The following GRID2 variants were observed in gnomAD, a reference collection of about 807,000 sequenced individuals.
GRID2 encodes glutamate ionotropic receptor delta type subunit 2.
GRID2 carries 33 observed loss-of-function variants against 114.8 expected under a neutral mutation model. The observed-to-expected ratio is 0.29, with a 90% CI of 0.22 to 0.38. The LOEUF is 0.38. GRID2 is among the 10% of genes least tolerant of loss of function. GRID2 has a pLI of 1.00. For synonymous variants in GRID2, 505 were observed against 449.9 expected (o/e 1.12, Z -1.55); for missense variants, 1,184 against 1,257.7 (o/e 0.94, Z 0.89).
intron 4 of GRID2, chr4:93,203,845 G>A (rs996165887): frequency 5.3e-5 from 8 of 152,178 alleles, no homozygotes; most frequent in Non-Finnish European, 1.0e-4. Flanking sequence ...CTACTAAGCT[G>A]GAATGGACAG....
At chr4:93,391,197 T>C (rs977428999) in intron 8 of GRID2, among the ~76,000 whole-genome samples, 4 of 152,264 alleles carry the variant, frequency 2.6e-5, no homozygotes, top group Middle Eastern at 3.4e-3. Context: ...AAAATTATCA[T>C]TGGAGAGATT....
chr4:93,673,226 C>T (rs1578530373), intron 14 of GRID2, among the ~76,000 whole-genome samples: 1 of 152,090 alleles, frequency 6.6e-6, no homozygotes, highest in East Asian at 1.9e-4. Flanking sequence ...TGAGACTACC[C>T]CTTTTATTCT....
rs964808729 is a variant in GRID2 at position 92,623,498 on chromosome 4, G to A, written c.244+33212G>A. ...ACTGAAAACTATATGTAAGCACAGA[G>A]CTAAGTTCTGAAAATATGAAGTTCT... On this transcript the variant is annotated intron_variant, in intron 2 of 15. Transcript: ENST00000282020. Among the ~76,000 whole-genome samples the A allele has an allele frequency of 2.0e-5, 3 of 151,668 alleles. No individual in the cohort carries two copies. The Admixed American group carries it at 2.0e-4, about 10-fold the overall frequency.
intron 8 of GRID2, among the ~76,000 whole-genome samples, chr4:93,279,607 T>C (rs1386137078): frequency 6.6e-6 from 1 of 151,962 alleles, no homozygotes; most frequent in Non-Finnish European, 1.5e-5. Flanking sequence ...CCTACATTTA[T>C]ATGTTTGCTT....
chr4:92,322,800 T>C (rs1235910037), intron 1 of GRID2, among the ~76,000 whole-genome samples: 1 of 152,140 alleles, frequency 6.6e-6, no homozygotes, highest in Non-Finnish European at 1.5e-5. Flanking sequence ...TTATATTTTG[T>C]TTTGGCTATG....
At chr4:93,036,716 A>G (rs1353003062) in intron 2 of GRID2, among the ~76,000 whole-genome samples, 2 of 152,002 alleles carry the variant, frequency 1.3e-5, no homozygotes, top group East Asian at 3.9e-4. Context: ...CTTATGTCAC[A>G]TTTTTCAGTG....
intron 2 of GRID2, among the ~76,000 whole-genome samples, chr4:92,879,458 A>G (rs969667645): frequency 1.3e-5 from 2 of 152,226 alleles, no homozygotes; most frequent in Admixed American, 6.5e-5. Flanking sequence ...AGTCTTCTCA[A>G]TGTATAGCCA....
chr4:92,666,811 A>G (rs1256111438), intron 2 of GRID2, among the ~76,000 whole-genome samples: 1 of 151,334 alleles, frequency 6.6e-6, no homozygotes, highest in African/African-American at 2.4e-5. Flanking sequence ...AAGATTAAAA[A>G]AAACCTCACT....
At chr4:93,604,799 T>A (rs1209864620) in intron 13 of GRID2, among the ~76,000 whole-genome samples, 1 of 152,220 alleles carries the variant, frequency 6.6e-6, no homozygotes, top group East Asian at 1.9e-4. Flanking sequence ...AAGGCTGAGA[T>A]GATTGTTAGC....
At chr4:93,566,527 T>C (rs1242618475) in intron 13 of GRID2, among the ~76,000 whole-genome samples, 1 of 152,166 alleles carries the variant, frequency 6.6e-6, no homozygotes, top group African/African-American at 2.4e-5. Context: ...CCCAACACTT[T>C]GCAAGGCTGA....
intron 1 of GRID2, among the ~76,000 whole-genome samples, chr4:92,546,132 A>T (rs572030830): frequency 6.6e-6 from 1 of 152,324 alleles, no homozygotes; most frequent in African/African-American, 2.4e-5. Flanking sequence ...AGTTAATTTA[A>T]AAAAAGCTGC....
At chr4:93,560,729 C>T (rs965916778) in intron 13 of GRID2, among the ~76,000 whole-genome samples, 1 of 152,138 alleles carries the variant, frequency 6.6e-6, no homozygotes, top group Admixed American at 6.6e-5. Context: ...GTCCTCCCAA[C>T]TTGGCCTCCC....
At chr4:93,328,171 A>T (rs1758049716) in intron 8 of GRID2, among the ~76,000 whole-genome samples, 2 of 152,110 alleles carry the variant, frequency 1.3e-5, no homozygotes. Context: ...AGCAATATGC[A>T]CTTTTAAAGA....
At chr4:92,335,507 A>C (rs1273440965) in intron 1 of GRID2, among the ~76,000 whole-genome samples, 2 of 152,228 alleles carry the variant, frequency 1.3e-5, no homozygotes, top group Non-Finnish European at 2.9e-5. Context: ...AAGTTATGTT[A>C]GGAAGCTGCT....
At chr4:93,370,496 C>A (rs1051135519) in intron 8 of GRID2, among the ~76,000 whole-genome samples, 1 of 148,718 alleles carries the variant, frequency 6.7e-6, no homozygotes, top group East Asian at 1.9e-4. Flanking sequence ...CACACGCACA[C>A]ACACACACAC....
chr4:93,230,051 G>A (rs1296738421), intron 7 of GRID2, among the ~76,000 whole-genome samples: 1 of 151,800 alleles, frequency 6.6e-6, no homozygotes, highest in Admixed American at 6.6e-5. Context: ...TATCCATATA[G>A]TTAGCTTTTT....
intron 2 of GRID2, among the ~76,000 whole-genome samples, chr4:92,818,934 A>G (rs1275104483): frequency 6.6e-6 from 1 of 152,080 alleles, no homozygotes; most frequent in Non-Finnish European, 1.5e-5. Context: ...ATTCTATAGC[A>G]TATAATTTTT....
intron 2 of GRID2, among the ~76,000 whole-genome samples, chr4:92,897,034 G>A (rs567254487): frequency 8.9e-4 from 135 of 152,004 alleles, no homozygotes; most frequent in African/African-American, 3.1e-3. Flanking sequence ...GAACCACCGC[G>A]CCCAGCCCAA....
intron 2 of GRID2, among the ~76,000 whole-genome samples, chr4:92,922,690 A>G (rs1211041562): frequency 1.3e-5 from 2 of 152,234 alleles, no homozygotes; most frequent in Admixed American, 6.5e-5. Context: ...TATAAATTAT[A>G]TAATAACCAC....
Sources: gnomAD v4.1 joint callset for allele counts (sites outside exome capture counted in the v4.1 genomes callset) on GRCh38, gnomAD v4.1.1 for gene constraint, MANE v1.5 for transcripts, NCBI Gene and HGNC (gene_info 2026-07-23, HGNC 2026-07-21) for gene names.